FTO: variants seen among roughly 807,000 people sequenced by gnomAD.
FTO encodes FTO alpha-ketoglutarate dependent dioxygenase.
Under a neutral mutation model 63.9 loss-of-function variants are expected in FTO, and 47 were observed. The ratio of observed to expected loss-of-function variants is 0.74; its 90% CI spans 0.58 to 0.94. The LOEUF (loss-of-function observed/expected upper bound fraction) is 0.94, where lower values mean the gene tolerates loss of function less well. FTO is among the 40% of genes least tolerant of loss of function. FTO has a pLI of 0.00. For synonymous variants in FTO, 207 were observed against 224.4 expected (o/e 0.92, Z 0.69); for missense variants, 562 against 618.1 (o/e 0.91, Z 0.96).
intron 8 of FTO, among the ~76,000 whole-genome samples, chr16:53,982,081 A>G (rs1379327690): frequency 6.6e-6 from 1 of 151,466 alleles, no homozygotes; most frequent in Non-Finnish European, 1.5e-5. Flanking sequence ...CTCTGTTAAA[A>G]AAAAAAACAA....
At chr16:54,110,054 G>A (rs1044298721) in intron 8 of FTO, among the ~76,000 whole-genome samples, 18 of 152,284 alleles carry the variant, frequency 1.2e-4, no homozygotes, top group African/African-American at 3.6e-4. Context: ...ATTAGTCGCA[G>A]CTTTCCTTGA....
chr16:53,828,663 A>C (rs1009000471), intron 3 of FTO, among the ~76,000 whole-genome samples: 8 of 152,236 alleles, frequency 5.3e-5, no homozygotes. Flanking sequence ...AATTCAAAGA[A>C]CAAAATAGTA....
chr16:53,928,153 A>G (rs996235763), intron 7 of FTO, among the ~76,000 whole-genome samples: 2 of 152,188 alleles, frequency 1.3e-5, no homozygotes, highest in Non-Finnish European at 2.9e-5. Flanking sequence ...TAAAGAATAT[A>G]TTAATACTTA....
At chr16:53,764,971 C>T (rs1212738029) in intron 1 of FTO, among the ~76,000 whole-genome samples, 4 of 152,030 alleles carry the variant, frequency 2.6e-5, no homozygotes, top group Non-Finnish European at 4.4e-5. Flanking sequence ...CTGCCCGCTT[C>T]GGCCTCCCAA....
chr16:53,844,582 C>A (rs939068455), intron 4 of FTO, among the ~76,000 whole-genome samples: 2 of 152,074 alleles, frequency 1.3e-5, no homozygotes, highest in Non-Finnish European at 2.9e-5. Context: ...TCCTCAGCCT[C>A]CCAAGTAGCT....
At chr16:53,876,696 G>A (rs1331599605) in intron 5 of FTO, among the ~76,000 whole-genome samples, 2 of 152,356 alleles carry the variant, frequency 1.3e-5, no homozygotes, top group Non-Finnish European at 2.9e-5. Context: ...GGAGGCCGAG[G>A]TGAGTGGATC....
chr16:53,813,547 A>G (rs1598729844), intron 2 of FTO, among the ~76,000 whole-genome samples: 1 of 152,192 alleles, frequency 6.6e-6, no homozygotes, highest in Non-Finnish European at 1.5e-5. Flanking sequence ...GTACTTCAAT[A>G]AAACCTTAGT....
At chr16:53,999,344 G>A (rs1008956519) in intron 8 of FTO, among the ~76,000 whole-genome samples, 3 of 152,130 alleles carry the variant, frequency 2.0e-5, no homozygotes, top group Non-Finnish European at 4.4e-5. Context: ...TCTCTCTTCC[G>A]GAAACCCAGC....
At chr16:53,830,896 AAAACAAACAAAG>A (rs1333646048) in intron 3 of FTO, among the ~76,000 whole-genome samples, 1 of 152,218 alleles carries the variant, frequency 6.6e-6, no homozygotes, top group African/African-American at 2.4e-5. Context: ...ATTCCGTCTC[AAAACAAACAAAG>A]AAACAAACAA....
At chr16:53,738,463 A>G (rs1344396765) in intron 1 of FTO, among the ~76,000 whole-genome samples, 2 of 152,170 alleles carry the variant, frequency 1.3e-5, no homozygotes, top group Admixed American at 6.5e-5. Context: ...ATTCCATTAT[A>G]TGGACACATC....
intron 1 of FTO, among the ~76,000 whole-genome samples, chr16:53,767,996 C>T (rs2077251849): frequency 6.6e-6 from 1 of 152,194 alleles, no homozygotes; most frequent in African/African-American, 2.4e-5. Flanking sequence ...ATGCCTGACA[C>T]ATAGTAGATG....
At position 54,121,135 on chromosome 16, in the gene FTO, A is replaced by G. The variant is rs12444954; in HGVS notation, c.*9220A>G. ...TTTCCAACTACAGTGGCAGAGCTGA[A>G]TAGTTGCAAAGGACCATAGGGCTAT... is the stretch of plus-strand genomic sequence containing the variant. On this transcript the variant is annotated 3_prime_UTR_variant, in exon 9 of 9. Coordinates refer to ENST00000471389, the MANE Select transcript of FTO (RefSeq NM_001080432.3). 0.31 allele frequency: 47,571 copies of G among 152,000 alleles called. 7,712 individuals are homozygous for G. Among genetic ancestry groups the G allele is most frequent in the East Asian group, 0.47 (2,410 of 5,130 alleles). 9.4% of individuals were successfully genotyped at this position (152,000 alleles called of 1,614,324 possible).
intron 1 of FTO, among the ~76,000 whole-genome samples, chr16:53,795,874 C>A (rs2078052275): frequency 6.6e-6 from 1 of 151,762 alleles, no homozygotes; most frequent in Non-Finnish European, 1.5e-5. Context: ...ATTTTTAAAC[C>A]CAGTTAGTCT....
Position 54,112,524 on chromosome 16 carries a change from A to G in FTO, c.*609A>G, listed in dbSNP as rs2086912755. ...CATTTTCATCATCGAAGAAAGTCCT[A>G]TTGGACAACACTTCTATAAAAAGTT... is the stretch of plus-strand genomic sequence containing the variant. On this transcript the variant is annotated 3_prime_UTR_variant, in exon 9 of 9. Coordinates refer to ENST00000471389, the MANE Select transcript of FTO (RefSeq NM_001080432.3). 1.3e-5 allele frequency: 2 copies of G among 152,718 alleles called. No individual in the cohort carries two copies. Among genetic ancestry groups the G allele is most frequent in the Admixed American group, 6.5e-5 (1 of 15,342 alleles). The allele number at this position is 152,718 out of a possible 1,614,324, so 9.5% of individuals were successfully genotyped here. A position where few individuals can be genotyped will look rare whatever the true frequency, so the allele number is the denominator to read the frequency against.
chr16:54,073,038 A>T (rs765032732), intron 8 of FTO, among the ~76,000 whole-genome samples: 2 of 152,218 alleles, frequency 1.3e-5, no homozygotes, highest in South Asian at 4.1e-4. Flanking sequence ...GTATTCTGGG[A>T]TATGCGAAAT....
In FTO at chr16:54,095,331, C is replaced by T. The variant is rs766324347; in HGVS notation, c.1365-16431C>T. Among the ~76,000 whole-genome samples the T allele has an allele frequency of 4.6e-5, 7 of 152,178 alleles. No individual in the cohort carries two copies. The South Asian group carries it at 1.0e-3, about 22-fold the overall frequency. On this transcript the variant is annotated intron_variant, in intron 8 of 8. Transcript: ENST00000471389. ...TTGGGATTACAGGCGTGAGCCACTGCGCCCAGCCCTAATGCCTAACTCATT... is the reference window on the plus strand; with the variant it reads ...TTGGGATTACAGGCGTGAGCCACTGTGCCCAGCCCTAATGCCTAACTCATT...
intron 8 of FTO, among the ~76,000 whole-genome samples, chr16:53,979,922 C>T (rs1468017791): frequency 6.6e-6 from 1 of 152,154 alleles, no homozygotes; most frequent in Non-Finnish European, 1.5e-5. Context: ...CATTTGCTTC[C>T]ACAGGAAGCC....
chr16:54,075,596 A>G (rs1191946000), intron 8 of FTO, among the ~76,000 whole-genome samples: 1 of 152,224 alleles, frequency 6.6e-6, no homozygotes, highest in Non-Finnish European at 1.5e-5. Context: ...GTGCCAGTAA[A>G]TGGTTGCACT....
chr16:53,783,604 T>TATAAA (rs397716766), intron 1 of FTO, among the ~76,000 whole-genome samples: 2 of 68,132 alleles, frequency 2.9e-5, no homozygotes, highest in Non-Finnish European at 5.3e-5. Context: ...CAAGACTCCA[T>TATAAA]AAAAAAAAAA....
Sources: allele counts gnomAD v4.1 joint callset (sites outside exome capture counted in the v4.1 genomes callset), GRCh38; gene constraint gnomAD v4.1.1; transcripts MANE v1.5; gene names NCBI Gene and HGNC (gene_info 2026-07-23, HGNC 2026-07-21).